DAPK2: variants seen among roughly 807,000 people sequenced by gnomAD.
DAPK2 encodes death-associated protein kinase 2.
In DAPK2, 35 loss-of-function variants were observed where a neutral mutation model predicts 44.1. The observed-to-expected ratio is 0.79, with a 90% CI of 0.61 to 1.05. The LOEUF (loss-of-function observed/expected upper bound fraction) is 1.05, where lower values mean the gene tolerates loss of function less well. DAPK2 is among the 50% of genes least tolerant of loss of function. The probability of loss-of-function intolerance (pLI) is 0.00; values close to 1 mark genes in which losing one functional copy is unlikely to be tolerated. For missense variants in DAPK2, 453 were observed against 483.2 expected (o/e 0.94, Z 0.59); for synonymous variants, 174 against 182.6 (o/e 0.95, Z 0.38).
intron 1 of DAPK2, among the ~76,000 whole-genome samples, chr15:64,005,672 A>G (rs1388200836): frequency 2.0e-5 from 3 of 152,114 alleles, no homozygotes; most frequent in Non-Finnish European, 4.4e-5. Context: ...TCTTGCCCAC[A>G]AAGGAGAAGA....
chr15:63,983,812 C>T, intron 1 of DAPK2, 58 bp from the exon 3 acceptor site: 1 of 1,510,192 alleles, frequency 6.6e-7, no homozygotes, highest in Non-Finnish European at 9.0e-7. Context: ...GGGAAATGAC[C>T]CCACTGTCAG....
intron 8 of DAPK2, chr15:63,922,295 T>C (rs2079096915): frequency 1.0e-6 from 1 of 993,808 alleles, no homozygotes; most frequent in Non-Finnish European, 1.2e-6. Context: ...AAATCCCTGC[T>C]TCTGTAGCAG....
At chr15:64,007,716 C>G (rs2141003138) in intron 1 of DAPK2, among the ~76,000 whole-genome samples, 1 of 152,352 alleles carries the variant, frequency 6.6e-6, no homozygotes, top group South Asian at 2.1e-4. Context: ...TTGGAGCATA[C>G]AACTATGTTT....
At chr15:63,981,548 A>T (rs950647744) in intron 2 of DAPK2, among the ~76,000 whole-genome samples, 1 of 152,214 alleles carries the variant, frequency 6.6e-6, no homozygotes, top group African/African-American at 2.4e-5. Context: ...TACAAGTACA[A>T]TGATTGTATA....
At chr15:63,993,809 C>T (rs1180385571) in intron 1 of DAPK2, among the ~76,000 whole-genome samples, 1 of 152,106 alleles carries the variant, frequency 6.6e-6, no homozygotes, top group Non-Finnish European at 1.5e-5. Context: ...GTCCTCATGC[C>T]AATCCCTGTT....
At chr15:63,931,855 G>A (rs144552980) in intron 4 of DAPK2, among the ~76,000 whole-genome samples, 45 of 152,220 alleles carry the variant, frequency 3.0e-4, no homozygotes, top group African/African-American at 9.6e-4. Context: ...TCACAGCCCC[G>A]CAGTGCCCAG....
Position 64,030,977 on chromosome 15 carries a change from C to CAT in DAPK2, c.92+9191_92+9192dup, listed in dbSNP as rs1555483593. ...GCAAGACCCTGTCTCAAAATACACACATACACACACACACACACACACACA... is the reference window on the plus strand; with the variant it reads ...GCAAGACCCTGTCTCAAAATACACACATATACACACACACACACACACACACA... On this transcript the variant is annotated intron_variant, in intron 1 of 10. Coordinates refer to ENST00000261891, the Ensembl canonical transcript of DAPK2. Among the ~76,000 whole-genome samples the CAT allele has an allele frequency of 2.6e-5, 3 of 113,732 alleles. No homozygotes were observed. The South Asian group carries it at 8.4e-4, about 32-fold the overall frequency. 74.6% of individuals were successfully genotyped at this position (113,732 alleles called of 152,430 possible).
At chr15:63,986,469 G>A (rs1238318378) in intron 1 of DAPK2, among the ~76,000 whole-genome samples, 7 of 152,108 alleles carry the variant, frequency 4.6e-5, no homozygotes, top group Non-Finnish European at 8.8e-5. Flanking sequence ...CTGCTGCCCC[G>A]GCTGGAGGGC....
intron 6 of DAPK2, among the ~76,000 whole-genome samples, chr15:63,927,407 C>T (rs917623055): frequency 3.9e-5 from 6 of 152,222 alleles, no homozygotes; most frequent in Admixed American, 1.3e-4. Context: ...GAATTAACTT[C>T]GTTCCCTACA....
At chr15:63,969,537 C>G (rs1008043817) in intron 3 of DAPK2, among the ~76,000 whole-genome samples, 25 of 150,284 alleles carry the variant, frequency 1.7e-4, no homozygotes, top group African/African-American at 7.4e-5. Flanking sequence ...CCCAGGAGCT[C>G]AAGACCAGCC....
intron 3 of DAPK2, among the ~76,000 whole-genome samples, chr15:63,940,538 C>T (rs1447828436): frequency 2.0e-5 from 3 of 151,992 alleles, no homozygotes; most frequent in African/African-American, 7.3e-5. Flanking sequence ...TGGCAAAACC[C>T]CTGTCTCTAC....
chr15:64,024,466 T>C (rs1443005883), intron 1 of DAPK2, among the ~76,000 whole-genome samples: 1 of 152,196 alleles, frequency 6.6e-6, no homozygotes, highest in Non-Finnish European at 1.5e-5. Context: ...CCCAGAAAGC[T>C]GGAAAAGTGG....
In DAPK2 at chr15:63,912,068, G is replaced by GCC; in HGVS notation, c.948+38_948+39dup. On this transcript the variant is annotated intron_variant, in intron 9 of 10. Coordinates refer to ENST00000261891, the Ensembl canonical transcript of DAPK2. This position sits in a 1 kb window ranked among gnomAD's most constrained non-coding sequence, Gnocchi z 4.4. ...CTGGAGAGCCAGAAACCCCGCCCTA[G>GCC]CCCCCACCCTGTCCCCCGCCGCCCC... The GCC allele has an allele frequency of 3.0e-6, 4 of 1,312,356 alleles. No homozygotes were observed. The highest frequency in any genetic ancestry group is 4.3e-6 in the Non-Finnish European group (4 of 924,202). The allele number at this position is 1,312,356 out of a possible 1,614,324, so 81.3% of individuals were successfully genotyped here.
At chr15:63,922,968 T>C (rs1314850430) in intron 8 of DAPK2, 28 of 1,535,934 alleles carry the variant, frequency 1.8e-5, no homozygotes, top group South Asian at 1.4e-4. Context: ...CTTCCGAGGC[T>C]ACATCCCGTG....
intron 1 of DAPK2, among the ~76,000 whole-genome samples, chr15:64,004,916 G>A (rs953001480): frequency 3.3e-5 from 5 of 152,150 alleles, no homozygotes; most frequent in South Asian, 2.1e-4. Context: ...CCTTTGAAAC[G>A]TTAATTCCTT....
At chr15:64,007,376 C>G (rs1030250286) in intron 1 of DAPK2, among the ~76,000 whole-genome samples, 3 of 152,090 alleles carry the variant, frequency 2.0e-5, no homozygotes, top group Non-Finnish European at 4.4e-5. Flanking sequence ...CCAGTTCCCC[C>G]CAGTCTTCCT....
At chr15:64,012,992 A>G (rs1388939689) in intron 1 of DAPK2, among the ~76,000 whole-genome samples, 1 of 152,232 alleles carries the variant, frequency 6.6e-6, no homozygotes, top group African/African-American at 2.4e-5. Flanking sequence ...TATAAATTGT[A>G]TCTTCGATAT....
intron 4 of DAPK2, among the ~76,000 whole-genome samples, chr15:63,934,845 T>C (rs4776677): frequency 0.52 from 78,464 of 152,004 alleles, 20,869 homozygotes; most frequent in East Asian, 0.92. Flanking sequence ...CAGGCGTGAG[T>C]CACTACGCCC....
chr15:64,038,321 G>GCAC (rs2080263845), intron 1 of DAPK2, among the ~76,000 whole-genome samples: 1 of 152,230 alleles, frequency 6.6e-6, no homozygotes. Context: ...ACATGGCCAA[G>GCAC]TGAGGGCACT....
Sources: allele counts gnomAD v4.1 joint callset (sites outside exome capture counted in the v4.1 genomes callset), GRCh38; gene constraint gnomAD v4.1.1; non-coding constraint Gnocchi (gnomAD v3.1); transcripts MANE v1.5; gene names NCBI Gene and HGNC (gene_info 2026-07-23, HGNC 2026-07-21).